Variants in DPP6 observed in about 807,000 individuals in gnomAD.
DPP6 encodes dipeptidyl peptidase like 6.
DPP6 carries 69 observed loss-of-function variants against 122.6 expected under a neutral mutation model. That is an observed-to-expected ratio of 0.56 (90% confidence interval 0.46 to 0.69). The LOEUF is 0.69. Among genes scored for constraint, DPP6 ranks in the 30% least tolerant of loss-of-function variants. The pLI, the probability that DPP6 is intolerant of heterozygous loss-of-function variation, is 0.00. For missense variants in DPP6, 928 were observed against 1,116.9 expected, an observed-to-expected ratio of 0.83 and a Z score of 2.41; for synonymous variants, 418 against 433.1, an observed-to-expected ratio of 0.97 and a Z score of 0.43.
intron 6 of DPP6, among the ~76,000 whole-genome samples, chr7:154,645,435 C>T (rs1289607827): frequency 6.6e-6 from 1 of 152,092 alleles, no homozygotes; most frequent in Non-Finnish European, 1.5e-5. Context: ...TTGGTCTCAG[C>T]CATTTCTCCC....
intron 3 of DPP6, among the ~76,000 whole-genome samples, chr7:154,534,586 C>A (rs544167418): frequency 2.3e-4 from 35 of 151,914 alleles, no homozygotes; most frequent in African/African-American, 8.0e-4. Flanking sequence ...TACAAACTAA[C>A]AAATAATGAA....
In DPP6 at chr7:154,220,172, G is replaced by A. The variant is rs888549906; in HGVS notation, c.243+167109G>A. On this transcript the variant is annotated intron_variant, in intron 1 of 25. Coordinates refer to ENST00000377770, the MANE Select transcript of DPP6 (RefSeq NM_130797.4). ...TAGTATCAAGAGATGGGTCCTTTGCGGAAGTAATTAAGTCCTGAGGGCTCT... is the reference window on the plus strand; with the variant it reads ...TAGTATCAAGAGATGGGTCCTTTGCAGAAGTAATTAAGTCCTGAGGGCTCT... 1.1e-4 allele frequency among the ~76,000 whole-genome samples: 17 copies of A among 152,120 alleles called. No homozygotes were observed. The East Asian group carries it at 1.4e-3, about 12-fold the overall frequency.
chr7:154,500,532 T>C (rs185222765), intron 3 of DPP6, among the ~76,000 whole-genome samples: 5 of 152,298 alleles, frequency 3.3e-5, no homozygotes, highest in African/African-American at 9.6e-5. Context: ...TCCTGCGTTG[T>C]TCTCCTGATA....
rs140575569 is a variant in DPP6 at position 154,195,338 on chromosome 7, C to T, written c.243+142275C>T. On this transcript the variant is annotated intron_variant, in intron 1 of 25. Transcript: ENST00000377770. ...ATTAGGAATGGACGGTTACAAGGGC[C>T]GCTCCAGGAGCCCACCTGGAGGAAA... 3.9e-3 allele frequency among the ~76,000 whole-genome samples: 601 copies of T among 152,262 alleles called. 4 individuals carry two copies. Among genetic ancestry groups the T allele is most frequent in the African/African-American group, 0.014 (575 of 41,542 alleles).
chr7:154,778,776 TCAC>T (rs1240367634), intron 10 of DPP6, among the ~76,000 whole-genome samples: 1 of 133,108 alleles, frequency 7.5e-6, no homozygotes. Context: ...TCCACCACCA[TCAC>T]CACCACCACC....
rs904444647 is a variant in DPP6, at chr7:154,747,560, C to T, written c.883+19673C>T. 3.3e-5 allele frequency among the ~76,000 whole-genome samples: 5 copies of T among 152,336 alleles called. No homozygotes were observed. In the East Asian group the frequency reaches 9.6e-4, roughly 29 times the overall value. On this transcript the variant is annotated intron_variant, in intron 8 of 25. Transcript: ENST00000377770. Reference sequence around the variant, plus strand: ...TGGGGTCATTGTGCGAATCGCCATACTGTGTTAGTCTAGCATTGCTAGTCA... The same window carrying T: ...TGGGGTCATTGTGCGAATCGCCATATTGTGTTAGTCTAGCATTGCTAGTCA...
intron 1 of DPP6, among the ~76,000 whole-genome samples, chr7:154,126,257 A>G (rs1807876169): frequency 6.6e-6 from 1 of 152,122 alleles, no homozygotes; most frequent in Admixed American, 6.5e-5. Flanking sequence ...GGTTGGTTAA[A>G]TGTGTGATTG....
chr7:154,793,436 C>T (rs1374018492), intron 10 of DPP6, among the ~76,000 whole-genome samples: 5 of 152,162 alleles, frequency 3.3e-5, no homozygotes, highest in Admixed American at 2.0e-4. Context: ...CGCACAGAGC[C>T]TGTGGTAGTT....
In DPP6 at chr7:154,893,185, T is replaced by G; in HGVS notation, c.*705T>G. The G allele has an allele frequency of 3.3e-6, 1 of 306,460 alleles. No homozygotes were observed. The highest frequency in any genetic ancestry group is 6.3e-6 in the Non-Finnish European group (1 of 158,740). 19.0% of individuals were successfully genotyped at this position (306,460 alleles called of 1,614,324 possible). ...TTCCCTTTCCTTTCTCCAGTCCACG[T>G]GTAGACTTTGCGCTTGATGAAGAAG... On this transcript the variant is annotated 3_prime_UTR_variant, in exon 26 of 26. Transcript: ENST00000377770.
the DPP6 span, among the ~76,000 whole-genome samples, chr7:153,841,446 A>G: frequency 6.6e-6 from 1 of 152,142 alleles, no homozygotes; most frequent in Non-Finnish European, 1.5e-5. Context: ...CCAGATGCCA[A>G]GTTCAGGCCG....
chr7:154,608,882 C>A (rs1380151514), intron 5 of DPP6, among the ~76,000 whole-genome samples: 5 of 152,178 alleles, frequency 3.3e-5, no homozygotes, highest in Non-Finnish European at 7.3e-5. Context: ...GACTGATAAA[C>A]TGCTTCAGTT....
At chr7:154,109,713 G>A (rs1262209630) in intron 1 of DPP6, among the ~76,000 whole-genome samples, 1 of 151,286 alleles carries the variant, frequency 6.6e-6, no homozygotes, top group African/African-American at 2.4e-5. Context: ...CCCTGAGAAG[G>A]GGAAAGACAG....
At position 154,885,638 on chromosome 7, in the gene DPP6, C is replaced by T. The variant is rs772151367; in HGVS notation, c.2139C>T (p.Tyr713=). Residue 713 remains tyrosine, a synonymous_variant, in exon 22 of 26, where the codon TAC becomes TAT. Coordinates refer to ENST00000377770, the MANE Select transcript of DPP6 (RefSeq NM_130797.4). ...TCTCTCTGCGCTTTCTCCAGGATTA[C>T]GGTGGCTACCTGAGCACCTACATCC... ...RTRVAVFGKD[Y]GGYLSTYILP... is the part of the protein sequence containing the mutation. The T allele has an allele frequency of 1.1e-5, 17 of 1,571,498 alleles. No homozygotes were observed. The highest frequency in any genetic ancestry group is 9.4e-5 in the East Asian group (4 of 42,446).
At chr7:154,264,277 A>G (rs947142633) in intron 1 of DPP6, among the ~76,000 whole-genome samples, 5 of 152,214 alleles carry the variant, frequency 3.3e-5, no homozygotes, top group Non-Finnish European at 7.3e-5. Context: ...TGACATGCAT[A>G]CAATTCATAA....
intron 1 of DPP6, among the ~76,000 whole-genome samples, chr7:154,196,252 G>T (rs1022023187): frequency 2.0e-5 from 3 of 152,190 alleles, no homozygotes; most frequent in African/African-American, 7.2e-5. Flanking sequence ...CACTTTGGGA[G>T]GCAGAGGCGA....
chr7:153,948,518 G>C (rs906812045), intron 1 of DPP6, among the ~76,000 whole-genome samples: 25 of 152,040 alleles, frequency 1.6e-4, no homozygotes, highest in African/African-American at 5.6e-4. Context: ...TCAATAACCA[G>C]CTTCCAGGCT....
intron 1 of DPP6, among the ~76,000 whole-genome samples, chr7:154,202,240 C>G (rs531305067): frequency 1.3e-5 from 2 of 152,240 alleles, no homozygotes; most frequent in African/African-American, 2.4e-5. Context: ...CGCTGGGTCT[C>G]TCCTCATAGG....
At chr7:154,332,076 T>TC (rs1017558973) in intron 1 of DPP6, among the ~76,000 whole-genome samples, 1 of 150,528 alleles carries the variant, frequency 6.6e-6, no homozygotes, top group Admixed American at 6.6e-5. Flanking sequence ...TTTTAAACTT[T>TC]TTTTTTTTTT....
intron 1 of DPP6, among the ~76,000 whole-genome samples, chr7:154,077,803 T>C (rs1803676539): frequency 6.6e-6 from 1 of 151,878 alleles, no homozygotes; most frequent in Non-Finnish European, 1.5e-5. Flanking sequence ...CTCGAGTAGC[T>C]GAGACTACAG....
Sources: gnomAD v4.1 joint callset for allele counts (sites outside exome capture counted in the v4.1 genomes callset) on GRCh38, gnomAD v4.1.1 for gene constraint, MANE v1.5 for transcripts, NCBI Gene and HGNC (gene_info 2026-07-23, HGNC 2026-07-21) for gene names.